Variants in WNT16 observed in about 807,000 individuals in gnomAD.
WNT16 encodes Wnt family member 16.
WNT16 carries 20 observed loss-of-function variants against 35.4 expected under a neutral mutation model. That is an observed-to-expected ratio of 0.56 (90% CI 0.40 to 0.82). The LOEUF (loss-of-function observed/expected upper bound fraction) is 0.82, where lower values mean the gene tolerates loss of function less well. Ranked by LOEUF, WNT16 falls within the 40% of genes least tolerant of loss-of-function variation. The pLI is 0.00. For synonymous variants in WNT16, 180 were observed against 179.2 expected (o/e 1.00, Z -0.03); for missense variants, 461 against 466.0 (o/e 0.99, Z 0.10).
upstream of WNT16, chr7:121,328,997 A>C (rs995990053): frequency 2.6e-6 from 3 of 1,157,356 alleles, no homozygotes; most frequent in African/African-American, 3.2e-5. Context: ...ACGCGGATAC[A>C]TCAACAGAAG....
Position 121,329,683 on chromosome 7 carries a change from G to A in WNT16, c.212G>A (p.Arg71Gln). ...AAACCGTACCTGCTGCCGAGCATCC[G>A]AGAGGGCGCCCGGCTGGGCATTCAG... The part of the protein sequence containing the change: ...KRKPYLLPSI[R>Q]EGARLGIQEC... The change falls in exon 2 of 4, where the codon CGA becomes CAA. Residue 71 changes from arginine to glutamine, a missense_variant. Arg to Gln is a conservative substitution (Grantham distance 43, BLOSUM62 1). Transcript: ENST00000222462. The A allele has an allele frequency of 5.0e-6, 8 of 1,614,056 alleles. No individual in the cohort carries two copies. Among genetic ancestry groups the A allele is most frequent in the Non-Finnish European group, 5.9e-6 (7 of 1,180,026 alleles).
upstream of WNT16, among the ~76,000 whole-genome samples, chr7:121,325,954 C>T (rs577185261): frequency 7.6e-5 from 11 of 144,342 alleles, no homozygotes; most frequent in Middle Eastern, 3.7e-3. Flanking sequence ...GGGTGAGGAT[C>T]GCTTGTGCCT....
At chr7:121,327,349 CTT>C (rs34420179), upstream of WNT16, among the ~76,000 whole-genome samples, 24 of 121,538 alleles carry the variant, frequency 2.0e-4, no homozygotes, top group Admixed American at 1.1e-3. Flanking sequence ...CTATCTAATC[CTT>C]TTTTTTTTTT....
Position 121,338,713 on chromosome 7 carries a change from G to A in WNT16, c.634-168G>A, listed in dbSNP as rs779432686. 2.4e-4 allele frequency among the ~76,000 whole-genome samples: 36 copies of A among 152,206 alleles called. 1 individual carries two copies. Among genetic ancestry groups the A allele is most frequent in the African/African-American group, 7.5e-4 (31 of 41,460 alleles). On this transcript the variant is annotated intron_variant, in intron 3 of 3. Coordinates refer to ENST00000222462, the MANE Select transcript of WNT16 (RefSeq NM_057168.2). ...ACATTTGGGACAAAAACCAAAGGACGAAACATTTGAAGCCTACGCAATTTT... is the reference window on the plus strand; with the variant it reads ...ACATTTGGGACAAAAACCAAAGGACAAAACATTTGAAGCCTACGCAATTTT...
Position 121,331,831 on chromosome 7 carries a change from G to T in WNT16, c.500G>T (p.Gly167Val). 2 of 1,614,174 alleles carry T rather than the reference G, an allele frequency of 1.2e-6. No individual in the cohort carries two copies. The highest frequency in any genetic ancestry group is 1.7e-6 in the Non-Finnish European group (2 of 1,180,030). ...GCAAGTGAAGGCTGGCACTGGGGGG[G>T]CTGCTCCGATGATGTCCAGTATGGC... ...GSASEGWHWG[G>V]CSDDVQYGMW... Residue 167 changes from glycine to valine, a missense_variant, in exon 3 of 4, where the codon GGC becomes GTC. Physicochemically the swap from Gly to Val is moderately radical, Grantham distance 109. Transcript: ENST00000222462.
In WNT16 at chr7:121,340,599, C is replaced by T. The variant is rs1793517600; in HGVS notation, c.*1254C>T. On this transcript the variant is annotated 3_prime_UTR_variant, in exon 4 of 4. Coordinates refer to ENST00000222462, the MANE Select transcript of WNT16 (RefSeq NM_057168.2). ...CTTTTCACATTAGTTATGCTTAACT[C>T]ATAAGGTTATTATAATAAATTATAT... 6.6e-6 allele frequency: 1 copy of T among 151,804 alleles called. No homozygotes were observed. Among genetic ancestry groups the T allele is most frequent in the Non-Finnish European group, 1.5e-5 (1 of 67,876 alleles). 9.4% of individuals were successfully genotyped at this position (151,804 alleles called of 1,614,324 possible).
rs371830433 is a variant in WNT16, at chr7:121,329,855, A to T, written c.346+38A>T. ...TCCTTAGGGGTTGGTGGGGGACGGA[A>T]GGCGACAACTCCTCCACCGGTTCCT... is the stretch of plus-strand genomic sequence containing the variant. On this transcript the variant is annotated intron_variant, in intron 2 of 3. Coordinates refer to ENST00000222462, the MANE Select transcript of WNT16 (RefSeq NM_057168.2). 47 of 1,588,828 alleles carry T rather than the reference A, an allele frequency of 3.0e-5. No individual in the cohort carries two copies. The African/African-American group carries it at 5.6e-4, about 19-fold the overall frequency.
chr7:121,332,237 C>CATGT (rs1554367969), intron 3 of WNT16, among the ~76,000 whole-genome samples: 15 of 151,248 alleles, frequency 9.9e-5, no homozygotes, highest in Non-Finnish European at 1.0e-4. Flanking sequence ...AATAAATATA[C>CATGT]GTGTGTGTGT....
At chr7:121,329,526 T>A (rs778376951) in intron 1 of WNT16, 41 bp from the exon 2 acceptor site, 2 of 1,607,322 alleles carry the variant, frequency 1.2e-6, no homozygotes, top group East Asian at 2.2e-5. Context: ...ACATCTGGAA[T>A]TGGGGAGCGG....
chr7:121,329,149 AC>A lies in WNT16; in HGVS notation c.-143del, dbSNP rs1793292007. On this transcript the variant is annotated 5_prime_UTR_variant, in exon 1 of 4. The change creates a new upstream start codon in the 5' untranslated region. Coordinates refer to ENST00000222462, the MANE Select transcript of WNT16 (RefSeq NM_057168.2). Reference sequence around the variant, plus strand: ...GGGGAAGCTGCTGAGAGTCCCTATCACTGCTGGCCTTTTAATGTTGTATGCA... The same window carrying A: ...GGGGAAGCTGCTGAGAGTCCCTATCATGCTGGCCTTTTAATGTTGTATGCA... 2.1e-6 allele frequency: 3 copies of A among 1,401,996 alleles called. No homozygotes were observed. The Admixed American group carries it at 8.7e-5, about 41-fold the overall frequency. 86.8% of individuals were successfully genotyped at this position (1,401,996 alleles called of 1,614,324 possible).
At chr7:121,327,145 C>T (rs899207437), upstream of WNT16, among the ~76,000 whole-genome samples, 3 of 152,092 alleles carry the variant, frequency 2.0e-5, no homozygotes, top group African/African-American at 7.2e-5. Flanking sequence ...AGCCGTTAGC[C>T]AAAATATTTC....
intron 3 of WNT16, 67 bp downstream of exon 3, chr7:121,332,031 T>C (rs1793358450): frequency 6.4e-7 from 1 of 1,553,788 alleles, no homozygotes; most frequent in African/African-American, 1.4e-5. Flanking sequence ...ATTACACATC[T>C]GCATGAAACT....
intron 3 of WNT16, among the ~76,000 whole-genome samples, chr7:121,338,304 T>A (rs577170915): frequency 6.6e-6 from 1 of 152,316 alleles, no homozygotes; most frequent in East Asian, 1.9e-4. Flanking sequence ...TGGTTATTTG[T>A]AAAGTTCCAT....
intron 3 of WNT16, among the ~76,000 whole-genome samples, chr7:121,337,228 A>G (rs1793458599): frequency 1.3e-5 from 2 of 152,236 alleles, no homozygotes; most frequent in Non-Finnish European, 2.9e-5. Flanking sequence ...GAATTCAAAA[A>G]AAGCAAATGT....
chr7:121,329,786 C>T lies in WNT16; in HGVS notation c.315C>T (p.Ala105=). The T allele has an allele frequency of 6.2e-7, 1 of 1,606,808 alleles. No individual in the cohort carries two copies. Among genetic ancestry groups the T allele is most frequent in the Non-Finnish European group, 8.5e-7 (1 of 1,179,990 alleles). The change falls in exon 2 of 4, where the codon GCC becomes GCT. Residue 105 remains alanine (A), a synonymous_variant. Coordinates refer to ENST00000222462, the MANE Select transcript of WNT16 (RefSeq NM_057168.2). ...TAAATTAPMG[A]SPLFGYELSS... is the part of the protein sequence containing the mutation. Reference sequence around the variant, plus strand: ...CCGCCACTACCGCCCCGATGGGCGCCAGCCCCCTCTTTGGCTACGAGCTGA... The same window carrying T: ...CCGCCACTACCGCCCCGATGGGCGCTAGCCCCCTCTTTGGCTACGAGCTGA...
In WNT16 at chr7:121,339,606, T is replaced by C. The variant is rs879131128; in HGVS notation, c.*261T>C. 3.8e-5 allele frequency: 18 copies of C among 474,118 alleles called. No individual in the cohort carries two copies. The highest frequency in any genetic ancestry group is 3.0e-4 in the South Asian group (5 of 16,790). 29.4% of individuals were successfully genotyped at this position (474,118 alleles called of 1,614,324 possible). A position where few individuals can be genotyped will look rare whatever the true frequency, so the allele number is the denominator to read the frequency against. On this transcript the variant is annotated 3_prime_UTR_variant, in exon 4 of 4. Transcript: ENST00000222462. ...ATGATTTGGGGAATATATATTGACA[T>C]ACAAGGAAGATAATCTGTTTCCTAA...
chr7:121,332,306 C>A (rs183955364), intron 3 of WNT16, among the ~76,000 whole-genome samples: 3 of 151,538 alleles, frequency 2.0e-5, no homozygotes, highest in African/African-American at 7.3e-5. Context: ...ATGTATATAC[C>A]CTTTCATGAA....
At chr7:121,328,639 C>A (rs1793279906), upstream of WNT16, among the ~76,000 whole-genome samples, 1 of 152,180 alleles carries the variant, frequency 6.6e-6, no homozygotes, top group Admixed American at 6.5e-5. Flanking sequence ...CATTTTCCAG[C>A]CACTACACCC....
intron 1 of WNT16, 49 bp downstream of exon 1, chr7:121,329,436 G>C: frequency 6.3e-7 from 1 of 1,596,556 alleles, no homozygotes; most frequent in Non-Finnish European, 8.6e-7. Context: ...CAAAAGGGGT[G>C]CCCAATCCTA....
Sources: allele counts gnomAD v4.1 joint callset (sites outside exome capture counted in the v4.1 genomes callset), GRCh38; gene constraint gnomAD v4.1.1; transcripts MANE v1.5; gene names NCBI Gene and HGNC (gene_info 2026-07-23, HGNC 2026-07-21).